The following BCL2 variants were observed in gnomAD, a reference collection of about 807,000 sequenced individuals.
BCL2 encodes the protein BCL2 apoptosis regulator.
Under a neutral mutation model 14.2 loss-of-function variants are expected in BCL2, and 1 was observed. That is an observed-to-expected ratio of 0.07 (90% CI 0.02 to 0.33). The LOEUF (loss-of-function observed/expected upper bound fraction) is 0.33, where lower values mean the gene tolerates loss of function less well. Ranked by LOEUF, BCL2 falls within the 10% of genes least tolerant of loss-of-function variation. BCL2 has a pLI of 0.99. For missense variants in BCL2, 247 were observed against 305.9 expected (o/e 0.81, Z 1.44); for synonymous variants, 151 against 137.2 (o/e 1.10, Z -0.70).
At chr18:63,144,917 G>A (rs1401559838) in intron 2 of BCL2, among the ~76,000 whole-genome samples, 3 of 152,284 alleles carry the variant, frequency 2.0e-5, no homozygotes, top group East Asian at 1.9e-4. Context: ...TGGATCCCAC[G>A]GGAACGTGTG....
At chr18:63,267,539 A>T (rs1007796621) in intron 2 of BCL2, among the ~76,000 whole-genome samples, 1 of 152,176 alleles carries the variant, frequency 6.6e-6, no homozygotes, top group Admixed American at 6.5e-5. Context: ...ACTCACTGAG[A>T]TAAGAAGATC....
At chr18:63,178,629 A>G (rs1915404846) in intron 2 of BCL2, among the ~76,000 whole-genome samples, 1 of 152,178 alleles carries the variant, frequency 6.6e-6, no homozygotes, top group Admixed American at 6.5e-5. Context: ...TTCACCTTTG[A>G]GGAGCCCCAG....
At chr18:63,212,836 G>A (rs143782284) in intron 2 of BCL2, among the ~76,000 whole-genome samples, 1,555 of 151,728 alleles carry the variant, frequency 0.01, 11 homozygotes, top group Non-Finnish European at 0.017. Context: ...AGATCACACT[G>A]CTGCACTCCA....
intron 2 of BCL2, among the ~76,000 whole-genome samples, chr18:63,170,778 C>T (rs184218144): frequency 4.6e-5 from 7 of 152,302 alleles, no homozygotes; most frequent in Non-Finnish European, 1.0e-4. Context: ...CAAGTACAAA[C>T]GATAATGTGC....
intron 2 of BCL2, among the ~76,000 whole-genome samples, chr18:63,154,528 A>G (rs1467197360): frequency 6.6e-6 from 1 of 152,108 alleles, no homozygotes; most frequent in Non-Finnish European, 1.5e-5. Context: ...CTTGAACTCC[A>G]TGTGATTACT....
rs537472384 is a variant in BCL2, at chr18:63,128,486, T to C, written c.*139A>G. Reference sequence around the variant, plus strand: ...TGTTGTGTGTGTGTGTGTCTGTCTGTGTGTGTGATGTTTATATGTGTGTTA... The same window carrying C: ...TGTTGTGTGTGTGTGTGTCTGTCTGCGTGTGTGATGTTTATATGTGTGTTA... On this transcript the variant is annotated 3_prime_UTR_variant, in exon 3 of 3. Transcript: ENST00000333681. 1 of 604,508 alleles carries C rather than the reference T, an allele frequency of 1.7e-6. No individual in the cohort carries two copies. The highest frequency in any genetic ancestry group is 2.2e-5 in the South Asian group (1 of 45,184). The allele number at this position is 604,508 out of a possible 1,614,324, so 37.4% of individuals were successfully genotyped here. A position where few individuals can be genotyped will look rare whatever the true frequency, so the allele number is the denominator to read the frequency against.
intron 2 of BCL2, among the ~76,000 whole-genome samples, chr18:63,144,189 C>G (rs879715063): frequency 6.6e-6 from 1 of 152,228 alleles, no homozygotes; most frequent in Non-Finnish European, 1.5e-5. Flanking sequence ...TTTCTTTCCT[C>G]TAGCTTTGAT....
At chr18:63,141,746 C>G (rs1239855436) in intron 2 of BCL2, among the ~76,000 whole-genome samples, 1 of 152,248 alleles carries the variant, frequency 6.6e-6, no homozygotes, top group Admixed American at 6.5e-5. Context: ...CCTCCCCACC[C>G]CACGCCACTG....
At chr18:63,258,825 C>T (rs1456951001) in intron 2 of BCL2, among the ~76,000 whole-genome samples, 1 of 152,192 alleles carries the variant, frequency 6.6e-6, no homozygotes, top group African/African-American at 2.4e-5. Context: ...TACGGGTTTG[C>T]GTCATCGATG....
At chr18:63,185,847 G>A (rs1356074154) in intron 2 of BCL2, among the ~76,000 whole-genome samples, 1 of 152,174 alleles carries the variant, frequency 6.6e-6, no homozygotes, top group Non-Finnish European at 1.5e-5. Context: ...CAGGCAATCT[G>A]GGTCCTGAGT....
chr18:63,134,433 C>T (rs1914156939), intron 2 of BCL2, among the ~76,000 whole-genome samples: 1 of 152,150 alleles, frequency 6.6e-6, no homozygotes, highest in Non-Finnish European at 1.5e-5. Flanking sequence ...TAAGTGAGGG[C>T]CTCCTTAGAC....
At chr18:63,238,227 TC>T (rs1461161736) in intron 2 of BCL2, among the ~76,000 whole-genome samples, 3 of 152,200 alleles carry the variant, frequency 2.0e-5, no homozygotes, top group African/African-American at 7.2e-5. Context: ...TTCGTTGACC[TC>T]ACAGGCGGCT....
Position 63,169,339 on chromosome 18 carries a change from T to TC in BCL2, c.586-40581_586-40580insG, listed in dbSNP as rs1413842058. ...TCCTTCCTTCTTTCCTTTCCTTCCT[T>TC]TCTTTCTTTCTTTCTTTCTTTCTTT... On this transcript the variant is annotated intron_variant, in intron 2 of 2. Coordinates refer to ENST00000333681, the MANE Select transcript of BCL2 (RefSeq NM_000633.3). Among the ~76,000 whole-genome samples, 15 of 50,160 alleles carry TC rather than the reference T, an allele frequency of 3.0e-4. 2 individuals are homozygous for TC. Among genetic ancestry groups the TC allele is most frequent in the African/African-American group, 1.5e-3 (14 of 9,204 alleles). The allele number at this position is 50,160 out of a possible 152,430, so 32.9% of individuals were successfully genotyped here. A position where few individuals can be genotyped will look rare whatever the true frequency, so the allele number is the denominator to read the frequency against.
chr18:63,174,717 G>A (rs915950748), intron 2 of BCL2, among the ~76,000 whole-genome samples: 5 of 151,694 alleles, frequency 3.3e-5, no homozygotes, highest in African/African-American at 1.2e-4. Flanking sequence ...CTACTCGGGG[G>A]GCTGAGGCAG....
At chr18:63,268,663 C>T (rs1244070413) in intron 2 of BCL2, among the ~76,000 whole-genome samples, 1 of 152,208 alleles carries the variant, frequency 6.6e-6, no homozygotes, top group Non-Finnish European at 1.5e-5. Context: ...TGCCATTACA[C>T]ACTTAAAGCA....
chr18:63,276,457 A>G (rs1217360768), intron 2 of BCL2, among the ~76,000 whole-genome samples: 1 of 152,166 alleles, frequency 6.6e-6, no homozygotes, highest in Admixed American at 6.5e-5. Flanking sequence ...CCTGCAGTAC[A>G]TGGGATGGTC....
intron 2 of BCL2, among the ~76,000 whole-genome samples, chr18:63,270,258 G>T (rs1484303964): frequency 6.6e-6 from 1 of 152,110 alleles, no homozygotes; most frequent in Admixed American, 6.5e-5. Flanking sequence ...TTTTCCTAGA[G>T]ATATACAAAA....
At chr18:63,305,713 G>A (rs532137667) in intron 2 of BCL2, among the ~76,000 whole-genome samples, 7 of 151,906 alleles carry the variant, frequency 4.6e-5, no homozygotes, top group East Asian at 3.9e-4. Flanking sequence ...TTTATCACAC[G>A]GTGAATTCTA....
intron 2 of BCL2, among the ~76,000 whole-genome samples, chr18:63,228,632 TC>T (rs1197168280): frequency 5.9e-5 from 9 of 152,210 alleles, no homozygotes; most frequent in Admixed American, 5.9e-4. Context: ...CAATAAATGT[TC>T]AATAAATGTT....
Sources: gnomAD v4.1 joint callset for allele counts (sites outside exome capture counted in the v4.1 genomes callset) on GRCh38, gnomAD v4.1.1 for gene constraint, MANE v1.5 for transcripts, NCBI Gene and HGNC (gene_info 2026-07-23, HGNC 2026-07-21) for gene names.